Variants in CRB1 observed in about 807,000 individuals in gnomAD.
CRB1 encodes the protein protein crumbs homolog 1.
In CRB1, 83 loss-of-function variants were observed where a neutral mutation model predicts 120.0. That is an observed-to-expected ratio of 0.69 (90% confidence interval 0.58 to 0.83). The LOEUF (loss-of-function observed/expected upper bound fraction) is 0.83. Among genes scored for constraint, CRB1 ranks in the 40% least tolerant of loss-of-function variants. The probability of loss-of-function intolerance (pLI) is 0.00; values close to 1 mark genes in which losing one functional copy is unlikely to be tolerated. For synonymous variants in CRB1, 625 were observed against 612.5 expected (o/e 1.02, Z -0.30); for missense variants, 1,699 against 1,687.6 (o/e 1.01, Z -0.12).
intron 5 of CRB1, among the ~76,000 whole-genome samples, chr1:197,379,824 A>G (rs1052590831): frequency 1.3e-5 from 2 of 152,178 alleles, no homozygotes; most frequent in African/African-American, 2.4e-5. Context: ...CAAACAGTGA[A>G]ATTGTTACAT....
chr1:197,252,582 A>ATATATGTGTGTG, the CRB1 span, among the ~76,000 whole-genome samples: 62 of 15,476 alleles, frequency 4.0e-3, no homozygotes, highest in Non-Finnish European at 6.5e-3. Context: ...ATATATATAT[A>ATATATGTGTGTG]TGTGTGTGTG....
chr1:197,288,837 A>C (rs1026332592), intron 1 of CRB1, among the ~76,000 whole-genome samples: 4 of 151,820 alleles, frequency 2.6e-5, no homozygotes, highest in African/African-American at 9.7e-5. Flanking sequence ...CGAAACACCC[A>C]CAAAACTGTG....
At chr1:197,220,081 A>G in the CRB1 span, among the ~76,000 whole-genome samples, 1 of 152,154 alleles carries the variant, frequency 6.6e-6, no homozygotes, top group Non-Finnish European at 1.5e-5. Context: ...CATTTCCTCC[A>G]GTAGACACAA....
chr1:197,245,125 TA>T, the CRB1 span, among the ~76,000 whole-genome samples: 1 of 152,134 alleles, frequency 6.6e-6, no homozygotes, highest in Non-Finnish European at 1.5e-5. Context: ...GCTTGTTACG[TA>T]TGTATACATG....
chr1:197,389,745 C>A (rs922671814), intron 5 of CRB1, among the ~76,000 whole-genome samples: 3 of 151,898 alleles, frequency 2.0e-5, no homozygotes, highest in African/African-American at 7.3e-5. Context: ...GGTTTCAGTT[C>A]ATCAATAGTT....
intron 5 of CRB1, among the ~76,000 whole-genome samples, chr1:197,404,901 C>T (rs1420427302): frequency 1.3e-5 from 2 of 152,216 alleles, no homozygotes; most frequent in Non-Finnish European, 2.9e-5. Flanking sequence ...GTTTCATAAG[C>T]TGTCAAAGTT....
the CRB1 span, among the ~76,000 whole-genome samples, chr1:197,241,107 G>C: frequency 6.6e-6 from 1 of 152,128 alleles, no homozygotes; most frequent in African/African-American, 2.4e-5. Flanking sequence ...TTAGCCCTTT[G>C]TCAGATGGAT....
chr1:197,368,420 G>C (rs1163076398), intron 5 of CRB1, among the ~76,000 whole-genome samples: 4 of 152,164 alleles, frequency 2.6e-5, no homozygotes, highest in Non-Finnish European at 4.4e-5. Context: ...ACTATTCATA[G>C]TGTGTATAAC....
the CRB1 span, among the ~76,000 whole-genome samples, chr1:197,256,594 A>AG: frequency 6.6e-6 from 1 of 152,092 alleles, no homozygotes; most frequent in East Asian, 1.9e-4. Context: ...GAAGGGCTCC[A>AG]AGTGGAGTAA....
At chr1:197,222,767 A>G in the CRB1 span, 1 of 1,109,596 alleles carries the variant, frequency 9.0e-7, no homozygotes, top group Admixed American at 1.7e-5. Context: ...TTCTTTCTGA[A>G]CTCCAAGTGC....
intron 5 of CRB1, among the ~76,000 whole-genome samples, chr1:197,368,352 G>T (rs574106159): frequency 6.6e-6 from 1 of 152,180 alleles, no homozygotes; most frequent in East Asian, 1.9e-4. Flanking sequence ...ATCTTTTCAA[G>T]ATTCATCTGA....
intron 4 of CRB1, among the ~76,000 whole-genome samples, chr1:197,351,315 G>A (rs1419245110): frequency 4.9e-5 from 7 of 142,534 alleles, no homozygotes; most frequent in African/African-American, 1.1e-4. Flanking sequence ...AGCCGAGATC[G>A]CGCCACTGCA....
At chr1:197,420,239 G>C (rs1664230150) in intron 5 of CRB1, among the ~76,000 whole-genome samples, 1 of 151,946 alleles carries the variant, frequency 6.6e-6, no homozygotes, top group Admixed American at 6.6e-5. Flanking sequence ...GAATCTCCCT[G>C]GAAAAGCAAC....
chr1:197,441,692 T>C (rs1571571059), intron 10 of CRB1: 2 of 135,588 alleles, frequency 1.5e-5, no homozygotes, highest in African/African-American at 5.3e-5. Flanking sequence ...TTGGTTTCTC[T>C]TTGGTGGGCT....
rs750294087 is a variant in CRB1, at chr1:197,328,529, G to A, written c.178G>A (p.Ala60Thr). 6 of 1,614,164 alleles carry A rather than the reference G, an allele frequency of 3.7e-6. No homozygotes were observed. In the East Asian group the frequency reaches 8.9e-5, roughly 24 times the overall value. Residue 60 changes from alanine (A) to threonine (T), a missense_variant, in exon 2 of 12, where the codon GCC becomes ACC. By Grantham distance (58) the Ala-to-Thr change is moderately conservative. Transcript: ENST00000367400. ...KDNDCSCSDT[A>T]NNLDKDCDNM... ...CAATGATTGTTCTTGTTCAGACACA[G>A]CCAATAATTTGGACAAAGACTGTGA...
intron 5 of CRB1, among the ~76,000 whole-genome samples, chr1:197,385,175 T>G (rs912799385): frequency 2.0e-5 from 3 of 152,198 alleles, no homozygotes; most frequent in Non-Finnish European, 4.4e-5. Context: ...TTCTAACCCT[T>G]GAGACAAACC....
chr1:197,469,199 G>A (rs879295345), intron 11 of CRB1, among the ~76,000 whole-genome samples: 2 of 152,138 alleles, frequency 1.3e-5, no homozygotes, highest in Non-Finnish European at 2.9e-5. Context: ...CAGCCTGAGC[G>A]ACAGAGTGAG....
intron 5 of CRB1, among the ~76,000 whole-genome samples, chr1:197,403,450 G>A (rs1558110848): frequency 6.6e-6 from 1 of 152,094 alleles, no homozygotes; most frequent in Non-Finnish European, 1.5e-5. Flanking sequence ...TGTTCTTTAG[G>A]TAGAGACATC....
At chr1:197,290,265 CGTGTGTGTGTGTGTGTGTGT>C (rs10540136) in intron 1 of CRB1, among the ~76,000 whole-genome samples, 17 of 136,982 alleles carry the variant, frequency 1.2e-4, no homozygotes, top group Non-Finnish European at 1.9e-4. Flanking sequence ...TGTTCCCTTT[CGTGTGTGTGTGTGTGTGTGT>C]GTGTGTGTGT....
Sources: gnomAD v4.1 joint callset for allele counts (sites outside exome capture counted in the v4.1 genomes callset) on GRCh38, gnomAD v4.1.1 for gene constraint, MANE v1.5 for transcripts, NCBI Gene and HGNC (gene_info 2026-07-23, HGNC 2026-07-21) for gene names.